The following CDON variants were observed in gnomAD, a reference collection of about 807,000 sequenced individuals.
CDON encodes cell adhesion molecule-related/down-regulated by oncogenes.
Under a neutral mutation model 120.9 loss-of-function variants are expected in CDON, and 73 were observed. The ratio of observed to expected loss-of-function variants is 0.60; its 90% CI spans 0.50 to 0.73. CDON has a LOEUF of 0.73. Ranked by LOEUF, CDON falls within the 30% of genes least tolerant of loss-of-function variation. CDON has a pLI of 0.00. For missense variants in CDON, 1,470 were observed against 1,587.3 expected (o/e 0.93, Z 1.26); for synonymous variants, 566 against 573.5 (o/e 0.99, Z 0.19).
intron 16 of CDON, 67 bp from the exon 17 acceptor site, chr11:125,981,396 ACACACGCATGCACACATGCACATACG>A: frequency 2.7e-6 from 4 of 1,508,014 alleles, no homozygotes; most frequent in Non-Finnish European, 2.7e-6. Context: ...GCACATACGC[ACACACGCATGCACACATGCACATACG>A]CACACACGCA....
intron 19 of CDON, 59 bp from the exon 20 acceptor site, chr11:125,961,164 C>G: frequency 1.3e-6 from 2 of 1,519,780 alleles, no homozygotes; most frequent in Non-Finnish European, 1.8e-6. Flanking sequence ...TTTTACAAAG[C>G]AGTCTAAAAA....
At chr11:126,014,742 T>C (rs1251687840) in intron 7 of CDON, 2 of 155,480 alleles carry the variant, frequency 1.3e-5, no homozygotes, top group African/African-American at 4.8e-5. Context: ...GAAAATACTT[T>C]TTATGTACCA....
chr11:125,986,173 G>A lies in CDON; in HGVS notation c.2774-2080C>T, dbSNP rs186186405. On this transcript the variant is annotated intron_variant, in intron 15 of 19. Coordinates refer to ENST00000531738, the MANE Select transcript of CDON (RefSeq NM_001378964.1). Reference sequence around the variant, plus strand: ...AGTTCATGTCCTTCGTAGCGACATGGATGAAGCTGGAAACCATCATTCTGA... The same window carrying A: ...AGTTCATGTCCTTCGTAGCGACATGAATGAAGCTGGAAACCATCATTCTGA... Among the ~76,000 whole-genome samples the A allele has an allele frequency of 2.6e-5, 4 of 152,284 alleles. No homozygotes were observed. In the East Asian group the frequency reaches 7.7e-4, roughly 29 times the overall value.
intron 11 of CDON, among the ~76,000 whole-genome samples, chr11:126,001,417 C>G (rs1478775581): frequency 6.6e-6 from 1 of 152,076 alleles, no homozygotes; most frequent in East Asian, 1.9e-4. Flanking sequence ...GTCTCAAACT[C>G]CTAGTCTCAA....
In CDON at chr11:125,971,382, CTAAATAAA is replaced by C. The variant is rs374833815; in HGVS notation, c.3356+6914_3356+6921del. Among the ~76,000 whole-genome samples, 517 of 103,216 alleles carry C rather than the reference CTAAATAAA, an allele frequency of 5.0e-3. 4 individuals carry two copies. Among genetic ancestry groups the C allele is most frequent in the African/African-American group, 0.014 (459 of 32,482 alleles). The allele number at this position is 103,216 out of a possible 152,430, so 67.7% of individuals were successfully genotyped here. ...TGGGCGACACAGCGAGACTCTGTCT[CTAAATAAA>C]TAAATAAATAAATAAATAAATAATA... On this transcript the variant is annotated intron_variant, in intron 18 of 19. Coordinates refer to ENST00000531738, the MANE Select transcript of CDON (RefSeq NM_001378964.1).
intron 1 of CDON, among the ~76,000 whole-genome samples, chr11:126,044,617 T>C (rs1948355257): frequency 6.6e-6 from 1 of 152,218 alleles, no homozygotes; most frequent in Non-Finnish European, 1.5e-5. Context: ...GACATTATGA[T>C]AAGTGAAATA....
chr11:126,050,469 A>G (rs953098306), intron 1 of CDON, among the ~76,000 whole-genome samples: 1 of 149,094 alleles, frequency 6.7e-6, no homozygotes, highest in African/African-American at 2.5e-5. Context: ...AGATTTTACA[A>G]TCTCATACAT....
rs1238869291 is a variant in CDON at position 126,062,773 on chromosome 11, C to A, written c.-256G>T. ...CGCACGCCGGGGCTGGGGCGCTGGG[C>A]AGGGCGGGCGGGCGTGGGGTCCCGG... On this transcript the variant is annotated 5_prime_UTR_variant, in exon 1 of 20. Transcript: ENST00000531738. The A allele has an allele frequency of 2.0e-5, 3 of 151,866 alleles. No homozygotes were observed. Among genetic ancestry groups the A allele is most frequent in the Non-Finnish European group, 2.9e-5 (2 of 68,086 alleles). 9.4% of individuals were successfully genotyped at this position (151,866 alleles called of 1,614,324 possible). A position where few individuals can be genotyped will look rare whatever the true frequency, so the allele number is the denominator to read the frequency against.
chr11:126,050,418 A>T (rs1948526053), intron 1 of CDON, among the ~76,000 whole-genome samples: 1 of 151,622 alleles, frequency 6.6e-6, no homozygotes, highest in Non-Finnish European at 1.5e-5. Flanking sequence ...ATATGATATC[A>T]ATGCTCGATC....
intron 12 of CDON, among the ~76,000 whole-genome samples, chr11:125,996,086 G>A (rs937408445): frequency 7.3e-5 from 11 of 151,654 alleles, no homozygotes; most frequent in Admixed American, 1.3e-4. Flanking sequence ...TATTACAACC[G>A]TGCTGAAATT....
intron 18 of CDON, among the ~76,000 whole-genome samples, chr11:125,972,013 C>T (rs558142584): frequency 1.3e-5 from 2 of 152,190 alleles, no homozygotes; most frequent in South Asian, 2.1e-4. Context: ...CTTGAAATGC[C>T]CAAATGGCAC....
chr11:126,031,604 CTGA>C (rs1466119006), intron 1 of CDON, among the ~76,000 whole-genome samples: 1 of 152,182 alleles, frequency 6.6e-6, no homozygotes, highest in Non-Finnish European at 1.5e-5. Flanking sequence ...GGGCATTCTC[CTGA>C]TCTTCTGTGA....
intron 1 of CDON, among the ~76,000 whole-genome samples, chr11:126,062,016 C>T (rs1449764025): frequency 6.6e-6 from 1 of 152,188 alleles, no homozygotes; most frequent in African/African-American, 2.4e-5. Flanking sequence ...AAATAAATAG[C>T]GAGCTGTAAT....
intron 15 of CDON, among the ~76,000 whole-genome samples, chr11:125,988,299 T>C (rs1365215627): frequency 6.6e-6 from 1 of 152,144 alleles, no homozygotes; most frequent in Non-Finnish European, 1.5e-5. Flanking sequence ...CCCAGAACTG[T>C]GGCGAGCTAT....
At chr11:126,000,210 T>C (rs1157480836) in intron 11 of CDON, among the ~76,000 whole-genome samples, 1 of 136,184 alleles carries the variant, frequency 7.3e-6, no homozygotes, top group East Asian at 2.0e-4. Flanking sequence ...TATACTGTAA[T>C]TTTTTTAAAA....
intron 18 of CDON, among the ~76,000 whole-genome samples, chr11:125,963,216 C>A (rs1253475775): frequency 6.6e-6 from 1 of 152,102 alleles, no homozygotes; most frequent in Non-Finnish European, 1.5e-5. Flanking sequence ...TTCTCCAATA[C>A]TTTCAAATTA....
intron 1 of CDON, among the ~76,000 whole-genome samples, chr11:126,028,707 A>AATTTATTT (rs60571626): frequency 0.025 from 3,613 of 145,854 alleles, 50 homozygotes; most frequent in South Asian, 0.032. Context: ...AGCTGCGGAG[A>AATTTATTT]ATTTATTTAT....
In CDON at chr11:126,034,821, C is replaced by A. The variant is rs1948050189; in HGVS notation, c.-61-11284G>T. On this transcript the variant is annotated intron_variant, in intron 1 of 19. Coordinates refer to ENST00000531738, the MANE Select transcript of CDON (RefSeq NM_001378964.1). This position sits in a 1 kb window ranked among gnomAD's most constrained non-coding sequence, Gnocchi z 4.5. Reference sequence around the variant, plus strand: ...CTTCCACAAATCCAGCACTTGGTAGCTTTTCAAGTTTGTCACTGGAATTGG... The same window carrying A: ...CTTCCACAAATCCAGCACTTGGTAGATTTTCAAGTTTGTCACTGGAATTGG... 6.6e-6 allele frequency among the ~76,000 whole-genome samples: 1 copy of A among 152,166 alleles called. No individual in the cohort carries two copies. The highest frequency in any genetic ancestry group is 2.4e-5 in the African/African-American group (1 of 41,438).
intron 7 of CDON, among the ~76,000 whole-genome samples, chr11:126,013,079 T>C (rs7110315): frequency 0.012 from 1,818 of 152,350 alleles, 37 homozygotes; most frequent in African/African-American, 0.042. Flanking sequence ...GATACTTAAT[T>C]ACGTCCAATG....
Sources: gnomAD v4.1 joint callset for allele counts (sites outside exome capture counted in the v4.1 genomes callset) on GRCh38, gnomAD v4.1.1 for gene constraint, Gnocchi (gnomAD v3.1) non-coding constraint, MANE v1.5 for transcripts, NCBI Gene and HGNC (gene_info 2026-07-23, HGNC 2026-07-21) for gene names.